COQ8A: variants seen among roughly 807,000 people sequenced by gnomAD.
The protein encoded by COQ8A is atypical kinase COQ8A, mitochondrial.
A neutral mutation model predicts 65.0 loss-of-function variants in COQ8A; 51 were observed. The ratio of observed to expected loss-of-function variants is 0.78; its 90% CI spans 0.63 to 0.99. COQ8A has a LOEUF of 0.99. COQ8A is among the 50% of genes least tolerant of loss of function. The pLI is 0.00. For synonymous variants in COQ8A, 371 were observed against 353.2 expected (o/e 1.05, Z -0.57); for missense variants, 940 against 875.0 (o/e 1.07, Z -0.94).
At chr1:226,985,531 G>A (rs986570129) in intron 14 of COQ8A, among the ~76,000 whole-genome samples, 191 bp downstream of exon 14, 2 of 152,192 alleles carry the variant, frequency 1.3e-5, no homozygotes, top group African/African-American at 2.4e-5. Context: ...TTTTCCGAGT[G>A]GGCCAGTGAG....
intron 4 of COQ8A, among the ~76,000 whole-genome samples, chr1:226,969,449 A>G (rs1043611550): frequency 2.0e-5 from 3 of 152,018 alleles, no homozygotes; most frequent in Non-Finnish European, 4.4e-5. Context: ...CACGTGCGTG[A>G]TAAGTCTCGA....
chr1:226,978,035 TACAC>T (rs1223622693), intron 5 of COQ8A, among the ~76,000 whole-genome samples: 1 of 84,178 alleles, frequency 1.2e-5, no homozygotes, highest in East Asian at 3.9e-4. Context: ...CCACAGACCT[TACAC>T]ACCCCTTGCA....
At chr1:226,956,222 C>T (rs1657741514) in intron 1 of COQ8A, among the ~76,000 whole-genome samples, 1 of 102,284 alleles carries the variant, frequency 9.8e-6, no homozygotes. Flanking sequence ...TCCCTGGCTG[C>T]CACTCCCTGG....
In COQ8A at chr1:226,978,800, CAG is replaced by C. The variant is rs1558202254; in HGVS notation, c.730+1278_730+1279del. On this transcript the variant is annotated intron_variant, in intron 5 of 14. Transcript: ENST00000366777. The stretch of plus-strand genomic sequence containing the variant: ...CGTACACACCCACCTCTCACCCGCA[CAG>C]CTCCTTACACACCCTCCATGCACAC... Among the ~76,000 whole-genome samples the C allele has an allele frequency of 6.5e-4, 72 of 109,984 alleles. 3 individuals carry two copies. The highest frequency in any genetic ancestry group is 1.9e-3 in the African/African-American group (67 of 35,324). 72.2% of individuals were successfully genotyped at this position (109,984 alleles called of 152,430 possible).
At chr1:226,973,358 T>C (rs1324589139) in intron 4 of COQ8A, among the ~76,000 whole-genome samples, 1 of 152,206 alleles carries the variant, frequency 6.6e-6, no homozygotes, top group Non-Finnish European at 1.5e-5. Flanking sequence ...GAGGTTCTTA[T>C]TCTCTCCTGT....
chr1:226,967,662 C>T (rs1444063730), intron 4 of COQ8A, among the ~76,000 whole-genome samples: 2 of 152,136 alleles, frequency 1.3e-5, no homozygotes, highest in African/African-American at 4.8e-5. Flanking sequence ...GAGAGCTCTC[C>T]TCAGAGGGTG....
intron 4 of COQ8A, among the ~76,000 whole-genome samples, chr1:226,969,961 T>C (rs760169880): frequency 2.0e-5 from 3 of 152,162 alleles, no homozygotes; most frequent in Admixed American, 6.5e-5. Context: ...CTTAAAATTA[T>C]AGTCATGCGT....
At position 226,965,729 on chromosome 1, in the gene COQ8A, A is replaced by G. The variant is rs1658530037; in HGVS notation, c.647A>G (p.Asn216Ser). Residue 216 changes from asparagine to serine, a missense_variant, in exon 4 of 15, where the codon AAC becomes AGC. Physicochemically the swap from Asn to Ser is conservative, Grantham distance 46. Coordinates refer to ENST00000366777, the MANE Select transcript of COQ8A (RefSeq NM_020247.5). ...VPVTRIGRLA[N>S]FGGLAVGLGF... ...GTGACGAGGATTGGCCGGCTGGCCAACTTCGGAGGTAAGGTGGCTGTGTGC... is the reference window on the plus strand; with the variant it reads ...GTGACGAGGATTGGCCGGCTGGCCAGCTTCGGAGGTAAGGTGGCTGTGTGC... 6.2e-6 allele frequency: 10 copies of G among 1,613,680 alleles called. No homozygotes were observed. Among genetic ancestry groups the G allele is most frequent in the African/African-American group, 1.3e-5 (1 of 75,012 alleles).
chr1:226,962,958 C>G (rs1412511361), intron 2 of COQ8A, among the ~76,000 whole-genome samples: 1 of 152,236 alleles, frequency 6.6e-6, no homozygotes, highest in Non-Finnish European at 1.5e-5. Flanking sequence ...TTGCCCTCCC[C>G]TTGCCTGATT....
chr1:226,960,289 T>C (rs1658096380), intron 1 of COQ8A, among the ~76,000 whole-genome samples: 3 of 131,982 alleles, frequency 2.3e-5, no homozygotes, highest in South Asian at 2.6e-4. Flanking sequence ...TGGTACTTGG[T>C]GGTGGTACTT....
At chr1:226,975,308 T>A (rs1398976332) in intron 4 of COQ8A, among the ~76,000 whole-genome samples, 1 of 152,140 alleles carries the variant, frequency 6.6e-6, no homozygotes, top group Non-Finnish European at 1.5e-5. Flanking sequence ...ACCATGTGTG[T>A]TGTCACTCCT....
chr1:226,982,088 G>A lies in COQ8A; in HGVS notation c.792G>A (p.Val264=), dbSNP rs763811203. 1.2e-6 allele frequency: 2 copies of A among 1,612,542 alleles called. No homozygotes were observed. The highest frequency in any genetic ancestry group is 1.7e-5 in the Admixed American group (1 of 59,996). ...CCGAGGCCAATGCAGAGCGGATCGTGCGCACGCTCTGCAAGGTGCGTGGTG... is the reference window on the plus strand; with the variant it reads ...CCGAGGCCAATGCAGAGCGGATCGTACGCACGCTCTGCAAGGTGCGTGGTG... ...FLSEANAERI[V]RTLCKVRGAA... is the part of the protein sequence containing the mutation. Residue 264 remains valine, a synonymous_variant, in exon 6 of 15, where the codon GTG becomes GTA. Transcript: ENST00000366777.
rs951319582 is a variant in COQ8A at position 226,949,056 on chromosome 1, TC to T, written c.-10+8660del. ...CCCAGCTGGTCAGGGCAGAGCTGAT[TC>T]CCAGCCCCAAGGCCCCAAGGCCCTC... On this transcript the variant is annotated intron_variant, in intron 1 of 14. Coordinates refer to ENST00000366777, the MANE Select transcript of COQ8A (RefSeq NM_020247.5). This position sits in a 1 kb window ranked among gnomAD's most constrained non-coding sequence, Gnocchi z 4.0. 4.7e-4 allele frequency among the ~76,000 whole-genome samples: 72 copies of T among 152,114 alleles called. No homozygotes were observed. Among genetic ancestry groups the T allele is most frequent in the African/African-American group, 1.7e-3 (70 of 41,524 alleles).
chr1:226,963,898 C>G (rs1008520474), intron 2 of COQ8A, among the ~76,000 whole-genome samples: 8 of 152,258 alleles, frequency 5.3e-5, no homozygotes, highest in African/African-American at 1.9e-4. Context: ...AGCCATCGCA[C>G]TGGCATAAAT....
chr1:226,982,535 G>T, intron 6 of COQ8A, 143 bp from the exon 7 acceptor site: 1 of 913,160 alleles, frequency 1.1e-6, no homozygotes, highest in Non-Finnish European at 1.8e-6. Flanking sequence ...GCGTGTGTGC[G>T]AGGGCTCCTG....
intron 5 of COQ8A, 80 bp from the exon 6 acceptor site, chr1:226,981,947 C>T: frequency 6.3e-7 from 1 of 1,597,324 alleles, no homozygotes. Flanking sequence ...GTCTGAGCCT[C>T]CGTCTGTATC....
At chr1:226,981,038 G>A (rs892573102) in intron 5 of COQ8A, among the ~76,000 whole-genome samples, 5 of 152,242 alleles carry the variant, frequency 3.3e-5, no homozygotes, top group African/African-American at 9.6e-5. Flanking sequence ...GGAGGAAGCC[G>A]CACTGCGACC....
At chr1:226,966,671 G>A (rs1658586011) in intron 4 of COQ8A, among the ~76,000 whole-genome samples, 1 of 152,164 alleles carries the variant, frequency 6.6e-6, no homozygotes, top group Admixed American at 6.5e-5. Context: ...GCATGGAGAT[G>A]CACTCTCATG....
intron 1 of COQ8A, among the ~76,000 whole-genome samples, chr1:226,945,957 G>A (rs910537128): frequency 6.6e-6 from 1 of 152,190 alleles, no homozygotes; most frequent in Non-Finnish European, 1.5e-5. Flanking sequence ...TTCTGTGGCT[G>A]TGCATGTTGG....
Sources: gnomAD v4.1 joint callset for allele counts (sites outside exome capture counted in the v4.1 genomes callset) on GRCh38, gnomAD v4.1.1 for gene constraint, Gnocchi (gnomAD v3.1) non-coding constraint, MANE v1.5 for transcripts, NCBI Gene and HGNC (gene_info 2026-07-23, HGNC 2026-07-21) for gene names.